Variants in TRPA1 observed in about 807,000 individuals in gnomAD.
TRPA1 encodes the protein transient receptor potential cation channel subfamily A member 1, also known as ankyrin-like with transmembrane domains 1.
In TRPA1, 129 loss-of-function variants were observed where a neutral mutation model predicts 131.3. The observed-to-expected ratio is 0.98, with a 90% CI of 0.85 to 1.14. The LOEUF is 1.14. Ranked by LOEUF, TRPA1 falls within the 50% of genes most tolerant of loss-of-function variation. The probability of loss-of-function intolerance (pLI) is 0.00; values close to 1 mark genes in which losing one functional copy is unlikely to be tolerated. For missense variants in TRPA1, 1,304 were observed against 1,354.2 expected (o/e 0.96, Z 0.58); for synonymous variants, 441 against 451.7 (o/e 0.98, Z 0.30).
chr8:72,049,820 A>G (rs1805449870), intron 15 of TRPA1, among the ~76,000 whole-genome samples: 1 of 152,214 alleles, frequency 6.6e-6, no homozygotes, highest in African/African-American at 2.4e-5. Context: ...GTTTGGATAA[A>G]GTCATAATTC....
intron 12 of TRPA1, 99 bp downstream of exon 12, chr8:72,055,337 A>G: frequency 1.0e-6 from 1 of 974,698 alleles, no homozygotes; most frequent in South Asian, 1.5e-5. Flanking sequence ...ACTTAGTGAG[A>G]TATAAAGTTA....
intron 24 of TRPA1, chr8:72,029,689 C>T: frequency 1.5e-6 from 1 of 652,566 alleles, no homozygotes. Context: ...ATGTGGTATT[C>T]TCCTGGGATG....
At chr8:72,037,723 G>A (rs1288502137) in intron 20 of TRPA1, among the ~76,000 whole-genome samples, 2 of 152,000 alleles carry the variant, frequency 1.3e-5, no homozygotes, top group Non-Finnish European at 1.5e-5. Context: ...CACTCATAAT[G>A]ACCATTTGTA....
intron 8 of TRPA1, 130 bp downstream of exon 8, chr8:72,059,260 T>C: frequency 1.5e-6 from 1 of 649,982 alleles, no homozygotes. Flanking sequence ...TCAATCATCA[T>C]TTTGTATACT....
Position 72,071,738 on chromosome 8 carries a change from T to C in TRPA1, c.241A>G (p.Lys81Glu). The C allele has an allele frequency of 6.2e-7, 1 of 1,613,820 alleles. No individual in the cohort carries two copies. Among genetic ancestry groups the C allele is most frequent in the Non-Finnish European group, 8.5e-7 (1 of 1,179,864 alleles). ...TCCAAAGAGGAATCTCTGGTGATCT[T>C]CTCCATTAGCTCAATTTGGCCTTCT... The part of the protein sequence containing the change: ...AAEGQIELME[K>E]ITRDSSLEVL... The change falls in exon 2 of 27, where the codon AAG becomes GAG. Residue 81 changes from lysine (K) to glutamate (E), a missense_variant. Coordinates refer to ENST00000262209, the MANE Select transcript of TRPA1 (RefSeq NM_007332.3).
chr8:72,068,818 G>C (rs1418835361), intron 3 of TRPA1, among the ~76,000 whole-genome samples: 1 of 152,060 alleles, frequency 6.6e-6, no homozygotes, highest in Non-Finnish European at 1.5e-5. Context: ...GAAAATGCCC[G>C]GTAAATAAGA....
chr8:72,076,422 A>T (rs575799499), upstream of TRPA1: 2 of 152,416 alleles, frequency 1.3e-5, no homozygotes, highest in Admixed American at 1.3e-4. Context: ...TGTTGCCGTA[A>T]GTTCAGGTTT....
intron 8 of TRPA1, 106 bp downstream of exon 8, chr8:72,059,284 C>A: frequency 1.3e-6 from 1 of 777,434 alleles, no homozygotes; most frequent in African/African-American, 1.8e-5. Flanking sequence ...TGCTGATAAG[C>A]AAGAAATCAA....
chr8:72,023,363 A>G (rs1585827957), intron 26 of TRPA1: 1 of 561,092 alleles, frequency 1.8e-6, no homozygotes, highest in East Asian at 3.0e-5. Context: ...AAACTATTAT[A>G]GAGAAAGGTT....
chr8:72,031,613 C>CA (rs1237882177), intron 23 of TRPA1, among the ~76,000 whole-genome samples: 23 of 150,760 alleles, frequency 1.5e-4, no homozygotes, highest in African/African-American at 5.1e-4. Flanking sequence ...AACAAAAAAA[C>CA]AAAAAACAAA....
intron 14 of TRPA1, 186 bp downstream of exon 14, chr8:72,052,413 C>A: frequency 5.1e-6 from 3 of 584,420 alleles, no homozygotes; most frequent in Admixed American, 3.1e-5. Flanking sequence ...CAGAGCTAGA[C>A]CTTTTCTAAA....
chr8:72,036,803 G>A (rs551850138), intron 20 of TRPA1, among the ~76,000 whole-genome samples: 4 of 152,294 alleles, frequency 2.6e-5, no homozygotes, highest in East Asian at 1.9e-4. Flanking sequence ...CTTTCTATCC[G>A]TATAACAACA....
At chr8:72,024,399 G>A (rs191702642) in intron 25 of TRPA1, among the ~76,000 whole-genome samples, 2 of 152,126 alleles carry the variant, frequency 1.3e-5, no homozygotes, top group African/African-American at 4.8e-5. Context: ...GAGGGTCAAG[G>A]GCAGGTGTGA....
Position 72,057,796 on chromosome 8 carries a change from G to T in TRPA1, c.1014C>A (p.Ile338=), listed in dbSNP as rs377057771. The T allele has an allele frequency of 6.2e-6, 10 of 1,613,316 alleles. No homozygotes were observed. In the African/African-American group the frequency reaches 1.2e-4, roughly 19 times the overall value. ...LISVGADINK[I]DSEGRSPLIL... ...TAAGTGGAGAGCGTCCTTCAGAATC[G>T]ATCTTATTAATATCTGCTCCCTAAA... The change falls in exon 9 of 27, where the codon ATC becomes ATA. Residue 338 remains isoleucine (I), a synonymous_variant. Coordinates refer to ENST00000262209, the MANE Select transcript of TRPA1 (RefSeq NM_007332.3).
In TRPA1 at chr8:72,053,840, A is replaced by G. The variant is rs1376147787; in HGVS notation, c.1557T>C (p.His519=). ...LSDHNGWTAL[H]HASMGGYTQT... ...GAGTGTACCCGCCCATGGACGCATG[A>G]TGCAAAGCTGTCCAGCCATTGTGGT... is the stretch of plus-strand genomic sequence containing the variant. Residue 519 remains histidine (H), a synonymous_variant, in exon 13 of 27, where the codon CAT becomes CAC. Coordinates refer to ENST00000262209, the MANE Select transcript of TRPA1 (RefSeq NM_007332.3). The G allele has an allele frequency of 1.2e-6, 2 of 1,611,974 alleles. No individual in the cohort carries two copies. The highest frequency in any genetic ancestry group is 1.7e-5 in the Admixed American group (1 of 59,886).
At chr8:72,081,822 C>T in the TRPA1 span, among the ~76,000 whole-genome samples, 1 of 151,766 alleles carries the variant, frequency 6.6e-6, no homozygotes, top group Non-Finnish European at 1.5e-5. Flanking sequence ...CTTATGCTTA[C>T]CATTCAGATG....
At chr8:72,043,612 T>C (rs185162510) in intron 17 of TRPA1, among the ~76,000 whole-genome samples, 96 of 151,948 alleles carry the variant, frequency 6.3e-4, no homozygotes, top group African/African-American at 1.6e-3. Context: ...TCCTTTCAAT[T>C]TTCTCCCTAT....
chr8:72,074,156 T>C (rs1005181308), intron 1 of TRPA1, among the ~76,000 whole-genome samples: 5 of 75,592 alleles, frequency 6.6e-5, no homozygotes, highest in African/African-American at 1.3e-4. Context: ...AAGCTACATC[T>C]AAACTCACAG....
In TRPA1 at chr8:72,052,758, G is replaced by A; in HGVS notation, c.1652C>T (p.Ala551Val). 4 of 1,612,878 alleles carry A rather than the reference G, an allele frequency of 2.5e-6. No individual in the cohort carries two copies. Among genetic ancestry groups the A allele is most frequent in the East Asian group, 2.2e-5 (1 of 44,872 alleles). The change falls in exon 14 of 27, where the codon GCA becomes GTA. Residue 551 changes from alanine (A) to valine (V), a missense_variant. Coordinates refer to ENST00000262209, the MANE Select transcript of TRPA1 (RefSeq NM_007332.3). The stretch of plus-strand genomic sequence containing the variant: ...GCCTTCCCTTGCAGCAAAGTGAAGT[G>A]CAGTGTTCTTTTGAAGAAAAACAGA... ...TDRLDEDGNTALHFAAREGHA... is the reference protein window; with the variant it reads ...TDRLDEDGNTVLHFAAREGHA...
Sources: gnomAD v4.1 joint callset for allele counts (sites outside exome capture counted in the v4.1 genomes callset) on GRCh38, gnomAD v4.1.1 for gene constraint, MANE v1.5 for transcripts, NCBI Gene and HGNC (gene_info 2026-07-23, HGNC 2026-07-21) for gene names.